Variants in NHSL3 observed in about 807,000 individuals in gnomAD.
NHSL3 encodes the protein NHS like 3, also known as NHS-like protein 3.
chr1:32,768,917 C>T, the NHSL3 span: 1 of 1,054,384 alleles, frequency 9.5e-7, no homozygotes. Context: ...TCCTCTTGCA[C>T]ATTCGTGATA....
At chr1:32,756,470 AC>A in the NHSL3 span, among the ~76,000 whole-genome samples, 8,046 of 50,470 alleles carry the variant, frequency 0.16, 571 homozygotes, top group African/African-American at 0.22. Context: ...ACATGACGAG[AC>A]CCCCCCCCCC....
chr1:32,767,835 AG>A, the NHSL3 span: 1 of 1,613,778 alleles, frequency 6.2e-7, no homozygotes. Flanking sequence ...GGGCCTGGCC[AG>A]GGGCCAGGGT....
At chr1:32,770,949 T>TTCC in the NHSL3 span, 11 of 1,563,152 alleles carry the variant, frequency 7.0e-6, no homozygotes, top group Non-Finnish European at 9.7e-6. The surrounding 1 kb of genome is among the most constrained non-coding windows in gnomAD (Gnocchi z 8.3). Context: ...AAAGTGGTAC[T>TTCC]CCCACCCTCC....
At chr1:32,759,874 A>G in the NHSL3 span, among the ~76,000 whole-genome samples, 1 of 152,182 alleles carries the variant, frequency 6.6e-6, no homozygotes, top group East Asian at 1.9e-4. Flanking sequence ...CTCATTTGTA[A>G]AAAGGAAACC....
chr1:32,753,261 T>C, the NHSL3 span, among the ~76,000 whole-genome samples: 1 of 150,940 alleles, frequency 6.6e-6, no homozygotes, highest in Non-Finnish European at 1.5e-5. Context: ...AAAGCAGGCA[T>C]ATCACCTGAG....
chr1:32,766,146 C>G, the NHSL3 span, among the ~76,000 whole-genome samples: 12,121 of 152,086 alleles, frequency 0.08, 675 homozygotes, highest in Admixed American at 0.16. Context: ...GATGTACTAG[C>G]CTTTCCTAGT....
At chr1:32,760,643 T>A in the NHSL3 span, among the ~76,000 whole-genome samples, 1 of 148,846 alleles carries the variant, frequency 6.7e-6, no homozygotes, top group African/African-American at 2.5e-5. Context: ...CAGGCTGGAG[T>A]GCAATGGCGT....
chr1:32,752,942 CACACACACATATATAT>C, the NHSL3 span, among the ~76,000 whole-genome samples: 1,317 of 23,004 alleles, frequency 0.057, 45 homozygotes, highest in Middle Eastern at 0.13. Flanking sequence ...CACACACACA[CACACACACATATATAT>C]ATATATATAT....
the NHSL3 span, chr1:32,767,658 G>C: frequency 1.4e-6 from 1 of 731,790 alleles, no homozygotes; most frequent in Non-Finnish European, 2.3e-6. Context: ...GACTGGGGAA[G>C]GGGGCATTGC....
chr1:32,754,134 G>C, the NHSL3 span: 3 of 712,240 alleles, frequency 4.2e-6, no homozygotes, highest in Non-Finnish European at 5.2e-6. Flanking sequence ...GCGGTCCCCG[G>C]GTCCGCAGCT....
the NHSL3 span, chr1:32,770,643 T>C: frequency 2.0e-6 from 3 of 1,519,212 alleles, no homozygotes; most frequent in Admixed American, 4.3e-5. The surrounding 1 kb of genome is among the most constrained non-coding windows in gnomAD (Gnocchi z 8.3). Flanking sequence ...CTGGCCGGAG[T>C]GTGTCCCTGC....
the NHSL3 span, chr1:32,768,640 C>T: frequency 4.5e-5 from 73 of 1,613,922 alleles, no homozygotes; most frequent in South Asian, 1.9e-4. Flanking sequence ...AGATCTCCTT[C>T]TACCCTGATA....
the NHSL3 span, chr1:32,774,081 A>C: frequency 2.0e-5 from 3 of 152,556 alleles, no homozygotes; most frequent in African/African-American, 7.2e-5. Flanking sequence ...GGGAATGTTA[A>C]CCTTTCTATT....
chr1:32,773,161 GGA>G, the NHSL3 span: 12 of 531,718 alleles, frequency 2.3e-5, no homozygotes, highest in Admixed American at 3.7e-4. Flanking sequence ...GTAGCTGGCG[GGA>G]GAGGGTGGCT....
chr1:32,743,570 A>C, the NHSL3 span, among the ~76,000 whole-genome samples: 1 of 152,224 alleles, frequency 6.6e-6, no homozygotes, highest in African/African-American at 2.4e-5. Context: ...TCCCCGTCTC[A>C]TTCAAGAGGG....
chr1:32,752,516 G>A, the NHSL3 span, among the ~76,000 whole-genome samples: 7 of 152,132 alleles, frequency 4.6e-5, no homozygotes, highest in Non-Finnish European at 1.0e-4. Flanking sequence ...CCCTGGGCAG[G>A]TCCCTCAGCA....
the NHSL3 span, chr1:32,741,987 G>A: frequency 8.4e-7 from 1 of 1,185,998 alleles, no homozygotes; most frequent in South Asian, 4.2e-5. The surrounding 1 kb of genome is among the most constrained non-coding windows in gnomAD (Gnocchi z 4.3). Flanking sequence ...CCGCACCTGC[G>A]GCCGAGGAGC....
chr1:32,767,776 C>T, the NHSL3 span: 1 of 1,595,358 alleles, frequency 6.3e-7, no homozygotes, highest in Non-Finnish European at 8.6e-7. Flanking sequence ...CTTCCTCCTC[C>T]CTCCTACTAG....
chr1:32,756,752 T>G, the NHSL3 span, among the ~76,000 whole-genome samples: 1 of 150,770 alleles, frequency 6.6e-6, no homozygotes, highest in Non-Finnish European at 1.5e-5. Flanking sequence ...GTGGATCACC[T>G]GAGGTCAGGA....
Sources: gnomAD v4.1 joint callset for allele counts (sites outside exome capture counted in the v4.1 genomes callset) on GRCh38, gnomAD v4.1.1 for gene constraint, Gnocchi (gnomAD v3.1) non-coding constraint, MANE v1.5 for transcripts, NCBI Gene and HGNC (gene_info 2026-07-23, HGNC 2026-07-21) for gene names.